The following DACH2 variants were observed in gnomAD, a reference collection of about 807,000 sequenced individuals.
DACH2 encodes dachshund homolog 2.
Under a neutral mutation model 35.8 loss-of-function variants are expected in DACH2, and 17 were observed. That is an observed-to-expected ratio of 0.48 (90% confidence interval 0.33 to 0.71). The LOEUF is 0.71. DACH2 is among the 30% of genes least tolerant of loss of function. The pLI, the probability that DACH2 is intolerant of heterozygous loss-of-function variation, is 0.02. For synonymous variants in DACH2, 195 were observed against 177.3 expected (o/e 1.10, Z -0.79); for missense variants, 469 against 472.7 (o/e 0.99, Z 0.07).
In DACH2 at chrX:86,797,552, G is replaced by A. The variant is rs192295209; in HGVS notation, c.1241-15304G>A. Among the ~76,000 whole-genome samples, 20 of 111,109 alleles carry A rather than the reference G, an allele frequency of 1.8e-4. No individual in the cohort carries two copies. The East Asian group carries it at 4.0e-3, about 22-fold the overall frequency. The stretch of plus-strand genomic sequence containing the variant: ...AACATTTGCCATTCCATATGGATCC[G>A]TAAATATTTGTAACAATAGTAAGTA... On this transcript the variant is annotated intron_variant, in intron 7 of 11. Coordinates refer to ENST00000373125, the MANE Select transcript of DACH2 (RefSeq NM_053281.3).
At chrX:86,193,004 T>C (rs2031877758) in intron 1 of DACH2, among the ~76,000 whole-genome samples, 1 of 112,236 alleles carries the variant, frequency 8.9e-6, no homozygotes, top group East Asian at 2.8e-4. Context: ...TTTCTTTTTT[T>C]ATGCAGTATA....
At chrX:86,667,538 A>AAAGAAAG (rs1209417184) in intron 4 of DACH2, among the ~76,000 whole-genome samples, 2 of 50,580 alleles carry the variant, frequency 4.0e-5, no homozygotes, top group East Asian at 1.2e-3. Flanking sequence ...AGAAAGAAAG[A>AAAGAAAG]AAGAAAGAAG....
At chrX:86,570,671 C>G (rs1045883519) in intron 3 of DACH2, among the ~76,000 whole-genome samples, 1 of 109,917 alleles carries the variant, frequency 9.1e-6, no homozygotes, top group Non-Finnish European at 1.9e-5. Flanking sequence ...GTTCAGCAAA[C>G]CACCATGGCA....
At chrX:86,779,801 A>C (rs1401584991) in intron 7 of DACH2, among the ~76,000 whole-genome samples, 1 of 112,169 alleles carries the variant, frequency 8.9e-6, no homozygotes, top group African/African-American at 3.2e-5. Context: ...GGTTGGCTCC[A>C]AAGTTATTTT....
chrX:86,286,318 G>T (rs1479068138), intron 1 of DACH2, among the ~76,000 whole-genome samples: 1 of 108,747 alleles, frequency 9.2e-6, no homozygotes, highest in African/African-American at 3.4e-5. Flanking sequence ...TTTTAGTAGA[G>T]ACGGGGTTTC....
chrX:86,210,614 T>C (rs972390069), intron 1 of DACH2, among the ~76,000 whole-genome samples: 1 of 111,477 alleles, frequency 9.0e-6, no homozygotes, highest in Non-Finnish European at 1.9e-5. Flanking sequence ...TCAAAAGGTT[T>C]TTGCTGATTT....
At chrX:86,201,448 G>GA (rs779027665) in intron 1 of DACH2, among the ~76,000 whole-genome samples, 2 of 110,749 alleles carry the variant, frequency 1.8e-5, no homozygotes, top group South Asian at 7.6e-4. Flanking sequence ...CATTAAAAAA[G>GA]AAAAAAGTGA....
At chrX:86,336,227 T>C (rs2035307599) in intron 1 of DACH2, among the ~76,000 whole-genome samples, 1 of 112,307 alleles carries the variant, frequency 8.9e-6, no homozygotes, top group Middle Eastern at 4.2e-3. Flanking sequence ...TGTGTGTCTC[T>C]GCCAGGTTTT....
chrX:86,692,114 C>T (rs1250280398), intron 4 of DACH2, among the ~76,000 whole-genome samples: 12 of 111,439 alleles, frequency 1.1e-4, no homozygotes, highest in Non-Finnish European at 1.3e-4. Flanking sequence ...CTAGAATGTT[C>T]CACACTCCTC....
At chrX:86,533,716 T>A (rs191032070) in intron 3 of DACH2, among the ~76,000 whole-genome samples, 1 of 111,816 alleles carries the variant, frequency 8.9e-6, no homozygotes, top group Non-Finnish European at 1.9e-5. Context: ...TTATTAGGAG[T>A]ACCAAGTTCT....
At chrX:86,284,549 TTTTC>T (rs200008858) in intron 1 of DACH2, among the ~76,000 whole-genome samples, 1,205 of 111,543 alleles carry the variant, frequency 0.011, 13 homozygotes, top group African/African-American at 0.037. Flanking sequence ...TGTAGTTTTC[TTTTC>T]TTTCTTTCTT....
chrX:86,624,623 T>A (rs765688181), intron 3 of DACH2, among the ~76,000 whole-genome samples: 4 of 111,536 alleles, frequency 3.6e-5, no homozygotes, highest in Non-Finnish European at 7.5e-5. Context: ...AACACAGTCT[T>A]CCAACAATAT....
intron 6 of DACH2, among the ~76,000 whole-genome samples, chrX:86,738,037 G>C: frequency 9.0e-6 from 1 of 111,674 alleles, no homozygotes; most frequent in African/African-American, 3.3e-5. Flanking sequence ...TTCCTCTGCA[G>C]TCATGTCTCC....
intron 7 of DACH2, among the ~76,000 whole-genome samples, chrX:86,782,894 GAA>G (rs35016905): frequency 2.8e-5 from 3 of 105,614 alleles, no homozygotes; most frequent in Non-Finnish European, 3.9e-5. Context: ...GCAATCAAAG[GAA>G]AAAAAAAATG....
intron 7 of DACH2, among the ~76,000 whole-genome samples, chrX:86,793,306 T>C (rs1353469694): frequency 9.0e-6 from 1 of 111,320 alleles, no homozygotes; most frequent in African/African-American, 3.3e-5. Context: ...TTAATGGTTT[T>C]CAAATATTTT....
At chrX:86,397,229 C>T (rs937622503) in intron 2 of DACH2, among the ~76,000 whole-genome samples, 4 of 111,301 alleles carry the variant, frequency 3.6e-5, no homozygotes, top group East Asian at 2.8e-4. Flanking sequence ...GTGATTTTTG[C>T]ACATTGATTT....
At chrX:86,670,433 C>T (rs2040751561) in intron 4 of DACH2, among the ~76,000 whole-genome samples, 1 of 111,518 alleles carries the variant, frequency 9.0e-6, no homozygotes, top group Non-Finnish European at 1.9e-5. Context: ...CCTCTCTCTG[C>T]AATGTCCAAA....
At chrX:86,676,090 T>C (rs2040822912) in intron 4 of DACH2, among the ~76,000 whole-genome samples, 1 of 112,018 alleles carries the variant, frequency 8.9e-6, no homozygotes, top group Non-Finnish European at 1.9e-5. Flanking sequence ...TTGTAGCATA[T>C]TATTTCTTTG....
At chrX:86,327,707 T>C (rs2035141305) in intron 1 of DACH2, among the ~76,000 whole-genome samples, 1 of 112,155 alleles carries the variant, frequency 8.9e-6, no homozygotes, top group African/African-American at 3.2e-5. Flanking sequence ...TTTGCTCTCT[T>C]ATTTTATAGA....
Sources: gnomAD v4.1 joint callset for allele counts (sites outside exome capture counted in the v4.1 genomes callset) on GRCh38, gnomAD v4.1.1 for gene constraint, MANE v1.5 for transcripts, NCBI Gene and HGNC (gene_info 2026-07-23, HGNC 2026-07-21) for gene names.